Variants in BLNK observed in about 807,000 individuals in gnomAD.
BLNK encodes the protein B cell linker, also known as B-cell linker protein.
In BLNK, 29 loss-of-function variants were observed where a neutral mutation model predicts 73.5. The observed-to-expected ratio is 0.39, with a 90% CI of 0.29 to 0.54. The LOEUF (loss-of-function observed/expected upper bound fraction) is 0.54. BLNK is among the 20% of genes least tolerant of loss of function. BLNK has a pLI of 0.61. For missense variants in BLNK, 460 were observed against 562.8 expected, an observed-to-expected ratio of 0.82 and a Z score of 1.85; for synonymous variants, 176 against 200.8, an observed-to-expected ratio of 0.88 and a Z score of 1.04.
At chr10:96,233,139 C>T (rs1030881165) in intron 3 of BLNK, among the ~76,000 whole-genome samples, 1 of 152,116 alleles carries the variant, frequency 6.6e-6, no homozygotes, top group Non-Finnish European at 1.5e-5. Context: ...CTGGGGATCA[C>T]TGAAGATCAA....
intron 12 of BLNK, 153 bp downstream of exon 12, chr10:96,204,379 T>G (rs587766141): frequency 3.3e-6 from 3 of 913,384 alleles, no homozygotes; most frequent in Non-Finnish European, 3.5e-6. Flanking sequence ...ATTTTAAAGT[T>G]GCTCAACACC....
intron 10 of BLNK, 29 bp downstream of exon 10, chr10:96,207,843 A>G (rs782125541): frequency 1.2e-6 from 2 of 1,612,774 alleles, no homozygotes; most frequent in Admixed American, 3.3e-5. Flanking sequence ...AGGAAATATG[A>G]AGCACTTTTA....
At chr10:96,251,113 T>C (rs1554909026) in intron 1 of BLNK, among the ~76,000 whole-genome samples, 1 of 152,230 alleles carries the variant, frequency 6.6e-6, no homozygotes, top group East Asian at 1.9e-4. Flanking sequence ...TAAATTACAC[T>C]TTTTATATTT....
chr10:96,234,421 C>G (rs1842624643), intron 3 of BLNK, among the ~76,000 whole-genome samples: 1 of 152,192 alleles, frequency 6.6e-6, no homozygotes. Flanking sequence ...AGGTCCAAAA[C>G]AGTAGTCAGT....
At chr10:96,256,741 A>G (rs1427653716) in intron 1 of BLNK, among the ~76,000 whole-genome samples, 4 of 151,944 alleles carry the variant, frequency 2.6e-5, no homozygotes, top group African/African-American at 9.7e-5. Flanking sequence ...ATCGGCTGGC[A>G]GTGGTGGCGT....
intron 11 of BLNK, among the ~76,000 whole-genome samples, chr10:96,206,593 T>A (rs2083816609): frequency 6.7e-6 from 1 of 149,696 alleles, no homozygotes; most frequent in Non-Finnish European, 1.5e-5. Flanking sequence ...GAAGATGTAC[T>A]AAGAAGACAG....
Position 96,207,911 on chromosome 10 carries a change from A to G in BLNK, c.747-12T>C, listed in dbSNP as rs782566336. The G allele has an allele frequency of 8.7e-6, 14 of 1,613,876 alleles. No individual in the cohort carries two copies. Among genetic ancestry groups the G allele is most frequent in the African/African-American group, 8.0e-5 (6 of 74,940 alleles). The stretch of plus-strand genomic sequence containing the variant: ...TCGTTGGTTTTTTCCTGGGGAATAA[A>G]AAGAGATGAGCTTTGTTAAAACACA... On this transcript the variant is annotated splice_polypyrimidine_tract_variant and intron_variant, in intron 9 of 16. Transcript: ENST00000224337.
At position 96,190,834 on chromosome 10, in the gene BLNK, T is replaced by G. The variant is rs1013642219; in HGVS notation, c.*1139A>C. ...CTGATTCTCCACGATGGTATCTCTT[T>G]TATTCCTTGGTGTTCACCAATGTCT... On this transcript the variant is annotated 3_prime_UTR_variant, in exon 17 of 17. Transcript: ENST00000224337. 1.3e-5 allele frequency among the ~76,000 whole-genome samples: 2 copies of G among 152,224 alleles called. No homozygotes were observed. The highest frequency in any genetic ancestry group is 2.9e-5 in the Non-Finnish European group (2 of 68,026).
rs782516158 is a variant in BLNK at position 96,189,281 on chromosome 10, T to C, written c.*2692A>G. The C allele has an allele frequency of 2.4e-4, 103 of 431,716 alleles. No homozygotes were observed. The highest frequency in any genetic ancestry group is 4.1e-4 in the Non-Finnish European group (94 of 229,558). The allele number at this position is 431,716 out of a possible 1,614,324, so 26.7% of individuals were successfully genotyped here. A position where few individuals can be genotyped will look rare whatever the true frequency, so the allele number is the denominator to read the frequency against. ...TAGGGAAAGTTCTCACTCTGCATTA[T>C]AGAAAGGACAGCCAGATATTGACTG... On this transcript the variant is annotated 3_prime_UTR_variant, in exon 17 of 17. Transcript: ENST00000224337.
Position 96,271,534 on chromosome 10 carries a change from A to G in BLNK, c.-136T>C, listed in dbSNP as rs944388496. On this transcript the variant is annotated 5_prime_UTR_variant, in exon 1 of 17. Transcript: ENST00000224337. The stretch of plus-strand genomic sequence containing the variant: ...ACTCAAGTCTGATTTCTGAGAGTGC[A>G]GGCTGCTGGCAAACACCCCTGCTCT... The G allele has an allele frequency of 1.1e-6, 1 of 887,446 alleles. No individual in the cohort carries two copies. The highest frequency in any genetic ancestry group is 1.7e-5 in the African/African-American group (1 of 60,478). 55.0% of individuals were successfully genotyped at this position (887,446 alleles called of 1,614,324 possible). A position where few individuals can be genotyped will look rare whatever the true frequency, so the allele number is the denominator to read the frequency against.
In BLNK at chr10:96,197,437, T is replaced by C. The variant is rs587724147; in HGVS notation, c.1096-374A>G. Among the ~76,000 whole-genome samples, 800 of 152,264 alleles carry C rather than the reference T, an allele frequency of 5.3e-3. 6 individuals carry two copies. The highest frequency in any genetic ancestry group is 0.012 in the South Asian group (60 of 4,822). ...CTCCCACCTCAGCCTCCTGAGTACC[T>C]GGGACTACTGGCATGCACCACCATG... On this transcript the variant is annotated intron_variant, in intron 15 of 16. Transcript: ENST00000224337.
In BLNK at chr10:96,251,856, A is replaced by G. The variant is rs139252607; in HGVS notation, c.48-4807T>C. ...TAAGTCTGAATCTCGAGAGATTTAA[A>G]TTCCAGGAAGCACTGAGAGTAGAAA... is the stretch of plus-strand genomic sequence containing the variant. On this transcript the variant is annotated intron_variant, in intron 1 of 16. Transcript: ENST00000224337. Among the ~76,000 whole-genome samples, 302 of 152,262 alleles carry G rather than the reference A, an allele frequency of 2.0e-3. 1 individual carries two copies. The highest frequency in any genetic ancestry group is 6.9e-3 in the African/African-American group (285 of 41,546).
intron 3 of BLNK, among the ~76,000 whole-genome samples, chr10:96,241,565 T>A (rs1424838114): frequency 6.6e-6 from 1 of 152,008 alleles, no homozygotes; most frequent in Non-Finnish European, 1.5e-5. Context: ...CCCCCACCCC[T>A]TCAACAATCC....
At chr10:96,220,950 A>G (rs781946755) in intron 6 of BLNK, among the ~76,000 whole-genome samples, 4 of 152,188 alleles carry the variant, frequency 2.6e-5, no homozygotes, top group Non-Finnish European at 4.4e-5. Flanking sequence ...ATCGGCTCAT[A>G]CCCTATTACT....
chr10:96,216,555 T>C, intron 7 of BLNK, 98 bp downstream of exon 7: 1 of 1,064,228 alleles, frequency 9.4e-7, no homozygotes, highest in East Asian at 2.5e-5. Context: ...TCCTGGGCAC[T>C]GTCATTTCTG....
At chr10:96,240,281 G>T (rs780444600) in intron 3 of BLNK, among the ~76,000 whole-genome samples, 3 of 152,204 alleles carry the variant, frequency 2.0e-5, no homozygotes, top group Non-Finnish European at 4.4e-5. Flanking sequence ...CATGAAACAC[G>T]TGTTGAATGA....
intron 1 of BLNK, among the ~76,000 whole-genome samples, chr10:96,252,613 T>C (rs1843331230): frequency 6.6e-6 from 1 of 152,246 alleles, no homozygotes; most frequent in East Asian, 1.9e-4. Flanking sequence ...GACTGTTGAC[T>C]TTTCTCTGTA....
intron 6 of BLNK, among the ~76,000 whole-genome samples, chr10:96,222,452 G>C (rs1274306754): frequency 5.3e-5 from 8 of 152,182 alleles, no homozygotes; most frequent in African/African-American, 1.9e-4. Flanking sequence ...AACACATTAG[G>C]CTTTATCAGT....
In BLNK at chr10:96,254,962, C is replaced by T. The variant is rs1843449059; in HGVS notation, c.48-7913G>A. Among the ~76,000 whole-genome samples, 3 of 152,200 alleles carry T rather than the reference C, an allele frequency of 2.0e-5. No individual in the cohort carries two copies. In the South Asian group the frequency reaches 6.2e-4, roughly 31 times the overall value. The stretch of plus-strand genomic sequence containing the variant: ...CTTAGGGGACTTTTAATAATCTTGA[C>T]ACCCAGGCCTTGCCCCCGACCATTT... On this transcript the variant is annotated intron_variant, in intron 1 of 16. Coordinates refer to ENST00000224337, the MANE Select transcript of BLNK (RefSeq NM_013314.4).
Sources: allele counts gnomAD v4.1 joint callset (sites outside exome capture counted in the v4.1 genomes callset), GRCh38; gene constraint gnomAD v4.1.1; transcripts MANE v1.5; gene names NCBI Gene and HGNC (gene_info 2026-07-23, HGNC 2026-07-21).